The following UPF2 variants were observed in gnomAD, a reference collection of about 807,000 sequenced individuals.
UPF2 encodes the protein regulator of nonsense transcripts 2.
UPF2 carries 17 observed loss-of-function variants against 141.4 expected under a neutral mutation model. The ratio of observed to expected loss-of-function variants is 0.12; its 90% CI spans 0.08 to 0.18. The LOEUF (loss-of-function observed/expected upper bound fraction) is 0.18, where lower values mean the gene tolerates loss of function less well. Ranked by LOEUF, UPF2 falls within the 10% of genes least tolerant of loss-of-function variation. The pLI, the probability that UPF2 is intolerant of heterozygous loss-of-function variation, is 1.00. For missense variants in UPF2, 1,152 were observed against 1,515.9 expected (o/e 0.76, Z 3.99); for synonymous variants, 540 against 498.0 (o/e 1.08, Z -1.12).
chr10:12,030,466 G>A (rs761932457), intron 2 of UPF2, among the ~76,000 whole-genome samples: 17 of 151,818 alleles, frequency 1.1e-4, no homozygotes, highest in Admixed American at 2.6e-4. Context: ...CCTGGGAGTC[G>A]GAGACTGATG....
chr10:11,932,453 T>C (rs1832794692), intron 19 of UPF2, among the ~76,000 whole-genome samples: 1 of 152,210 alleles, frequency 6.6e-6, no homozygotes, highest in South Asian at 2.1e-4. Context: ...TTTCTTCGTT[T>C]AGATCTTCTA....
intron 3 of UPF2, among the ~76,000 whole-genome samples, chr10:12,024,641 G>GATA: frequency 2.0e-5 from 3 of 150,776 alleles, no homozygotes; most frequent in Non-Finnish European, 4.4e-5. Flanking sequence ...ATTAATTAAA[G>GATA]GTGGGGTGGC....
At position 11,940,970 on chromosome 10, in the gene UPF2, T is replaced by G. The variant is rs1172540376; in HGVS notation, c.3378+1695A>C. ...TGGCTCCACTTTACTTTGCCCTGTT[T>G]GAAATTCATGACCTCAGAGACTTCT... is the stretch of plus-strand genomic sequence containing the variant. On this transcript the variant is annotated intron_variant, in intron 18 of 21. Coordinates refer to ENST00000357604, the MANE Select transcript of UPF2 (RefSeq NM_015542.4). The surrounding 1 kb of genome is among the most constrained non-coding windows in gnomAD (Gnocchi z 4.2). 6.6e-6 allele frequency among the ~76,000 whole-genome samples: 1 copy of G among 152,204 alleles called. No individual in the cohort carries two copies. Among genetic ancestry groups the G allele is most frequent in the African/African-American group, 2.4e-5 (1 of 41,452 alleles).
chr10:11,966,190 A>AT (rs1833317338), intron 10 of UPF2, among the ~76,000 whole-genome samples: 1 of 152,206 alleles, frequency 6.6e-6, no homozygotes, highest in Non-Finnish European at 1.5e-5. Context: ...TTAGATCACC[A>AT]TTGGTAACTG....
chr10:11,956,251 A>G lies in UPF2; in HGVS notation c.2574+69T>C, dbSNP rs2131189951. On this transcript the variant is annotated intron_variant, in intron 13 of 21. Coordinates refer to ENST00000357604, the MANE Select transcript of UPF2 (RefSeq NM_015542.4). This position sits in a 1 kb window ranked among gnomAD's most constrained non-coding sequence, Gnocchi z 4.2. ...ACAGATTCCTATAACTTGAGTCTCAATAGTAACCTAGAAATAATAAATTCT... is the reference window on the plus strand; with the variant it reads ...ACAGATTCCTATAACTTGAGTCTCAGTAGTAACCTAGAAATAATAAATTCT... 2 of 1,432,578 alleles carry G rather than the reference A, an allele frequency of 1.4e-6. No homozygotes were observed. The highest frequency in any genetic ancestry group is 2.0e-6 in the Non-Finnish European group (2 of 1,020,650). The allele number at this position is 1,432,578 out of a possible 1,614,324, so 88.7% of individuals were successfully genotyped here. A position where few individuals can be genotyped will look rare whatever the true frequency, so the allele number is the denominator to read the frequency against.
intron 8 of UPF2, among the ~76,000 whole-genome samples, chr10:11,986,488 G>C (rs1833694369): frequency 1.3e-5 from 2 of 152,056 alleles, no homozygotes; most frequent in Admixed American, 6.6e-5. Flanking sequence ...TAATCAATTG[G>C]CTTTCTAAAA....
At chr10:11,967,003 C>G (rs572083928) in intron 10 of UPF2, among the ~76,000 whole-genome samples, 1 of 152,184 alleles carries the variant, frequency 6.6e-6, no homozygotes, top group East Asian at 1.9e-4. Flanking sequence ...GCATATTTTC[C>G]CCATTTTTTT....
At chr10:11,923,667 T>C (rs1402270044) in intron 21 of UPF2, among the ~76,000 whole-genome samples, 10 of 92,268 alleles carry the variant, frequency 1.1e-4, no homozygotes, top group Non-Finnish European at 2.1e-4. Context: ...CGAGACCCCA[T>C]CTCAAAAAAA....
chr10:11,924,064 A>G (rs1161045613), intron 21 of UPF2, among the ~76,000 whole-genome samples: 2 of 152,250 alleles, frequency 1.3e-5, no homozygotes, highest in Non-Finnish European at 2.9e-5. Context: ...CAGATTTTCA[A>G]TACTAGTGTA....
In UPF2 at chr10:12,025,862, A is replaced by G. The variant is rs1187338450; in HGVS notation, c.1145+2883T>C. 2.6e-5 allele frequency among the ~76,000 whole-genome samples: 4 copies of G among 152,166 alleles called. No individual in the cohort carries two copies. In the East Asian group the frequency reaches 5.8e-4, roughly 22 times the overall value. On this transcript the variant is annotated intron_variant, in intron 3 of 21. Transcript: ENST00000357604. ...CAGGCTAGAGTGCAGTGGTGCGATCATGGCTTACTGCAGTCTCGACTTTCC... is the reference window on the plus strand; with the variant it reads ...CAGGCTAGAGTGCAGTGGTGCGATCGTGGCTTACTGCAGTCTCGACTTTCC...
At chr10:12,012,551 G>A (rs529716932) in intron 4 of UPF2, among the ~76,000 whole-genome samples, 5 of 151,074 alleles carry the variant, frequency 3.3e-5, no homozygotes, top group East Asian at 2.0e-4. Context: ...AGGCCGAGGT[G>A]TACCTCGGCC....
chr10:11,960,203 C>T (rs1216660023), intron 11 of UPF2, among the ~76,000 whole-genome samples: 1 of 152,134 alleles, frequency 6.6e-6, no homozygotes, highest in Non-Finnish European at 1.5e-5. Flanking sequence ...ACTCCTAATT[C>T]TTAAAACAGC....
intron 8 of UPF2, among the ~76,000 whole-genome samples, chr10:11,981,847 G>C (rs1035450178): frequency 6.6e-6 from 1 of 152,070 alleles, no homozygotes; most frequent in Non-Finnish European, 1.5e-5. Context: ...CACCGTGCCC[G>C]GCTAATTTTT....
intron 9 of UPF2, among the ~76,000 whole-genome samples, chr10:11,970,787 G>A (rs952514985): frequency 4.6e-5 from 7 of 151,998 alleles, no homozygotes; most frequent in African/African-American, 1.5e-4. Flanking sequence ...ATTCCAGCCC[G>A]GGCGACAGAG....
At chr10:12,008,629 CAAAAAAA>C (rs60750390) in intron 4 of UPF2, among the ~76,000 whole-genome samples, 2 of 74,970 alleles carry the variant, frequency 2.7e-5, no homozygotes, top group African/African-American at 5.2e-5. Flanking sequence ...GACACCACCT[CAAAAAAA>C]AAAAAAAAAA....
intron 9 of UPF2, among the ~76,000 whole-genome samples, chr10:11,971,632 T>C (rs1308421499): frequency 1.3e-5 from 2 of 152,238 alleles, no homozygotes; most frequent in African/African-American, 4.8e-5. Context: ...ACATTTTCTA[T>C]ATATTTATAG....
In UPF2 at chr10:11,943,119, T is replaced by C; in HGVS notation, c.3224A>G (p.Asn1075Ser). 1 of 1,612,382 alleles carries C rather than the reference T, an allele frequency of 6.2e-7. No homozygotes were observed. The highest frequency in any genetic ancestry group is 8.5e-7 in the Non-Finnish European group (1 of 1,179,486). The change falls in exon 17 of 22, where the codon AAT becomes AGT. Residue 1075 changes from asparagine to serine, a missense_variant. Around this residue, in one of 4 missense-constraint regions of UPF2, gnomAD observed 202 missense variants for 223.6 expected, o/e 0.90. Transcript: ENST00000357604. ...DDEGEEEEEE[N>S]TDYLTDSNKE... ...ATTGGAATCTGTAAGGTAATCTGTA[T>C]TCTCTTCCTCCTCTTCTTCTCCCTC...
intron 21 of UPF2, among the ~76,000 whole-genome samples, chr10:11,925,998 T>C (rs1314985943): frequency 1.3e-5 from 2 of 152,038 alleles, no homozygotes; most frequent in South Asian, 2.1e-4. Flanking sequence ...GGAGAATGAA[T>C]TGGAAAGGGT....
intron 16 of UPF2, among the ~76,000 whole-genome samples, chr10:11,944,838 A>T (rs547146331): frequency 6.6e-6 from 1 of 152,224 alleles, no homozygotes; most frequent in Non-Finnish European, 1.5e-5. Flanking sequence ...GTGCTCATCA[A>T]TGGACCACAA....
Sources: allele counts gnomAD v4.1 joint callset (sites outside exome capture counted in the v4.1 genomes callset), GRCh38; gene constraint gnomAD v4.1.1; regional missense constraint gnomAD v4.1.1; non-coding constraint Gnocchi (gnomAD v3.1); transcripts MANE v1.5; gene names NCBI Gene and HGNC (gene_info 2026-07-23, HGNC 2026-07-21).